Variants in TCF7L1 observed in about 807,000 individuals in gnomAD.
TCF7L1 encodes transcription factor 7-like 1.
TCF7L1 carries 18 observed loss-of-function variants against 63.7 expected under a neutral mutation model. The observed-to-expected ratio is 0.28, with a 90% confidence interval of 0.20 to 0.42. The LOEUF is 0.42. Ranked by LOEUF, TCF7L1 falls within the 10% of genes least tolerant of loss-of-function variation. The pLI, the probability that TCF7L1 is intolerant of heterozygous loss-of-function variation, is 1.00. For missense variants in TCF7L1, 654 were observed against 779.3 expected (o/e 0.84, Z 1.91); for synonymous variants, 355 against 340.9 (o/e 1.04, Z -0.46).
At chr2:85,299,633 A>C (rs1681916092) in intron 4 of TCF7L1, among the ~76,000 whole-genome samples, 1 of 151,852 alleles carries the variant, frequency 6.6e-6, no homozygotes, top group South Asian at 2.1e-4. Context: ...TTAGGAGACC[A>C]AGGTGGATGG....
At chr2:85,280,759 C>T (rs1054308499) in intron 3 of TCF7L1, among the ~76,000 whole-genome samples, 6 of 152,144 alleles carry the variant, frequency 3.9e-5, no homozygotes, top group Admixed American at 2.6e-4. Flanking sequence ...TTCAGCATCC[C>T]TCCAGGAGAA....
chr2:85,197,258 A>G (rs1028679057), intron 3 of TCF7L1, among the ~76,000 whole-genome samples: 2 of 152,214 alleles, frequency 1.3e-5, no homozygotes, highest in African/African-American at 4.8e-5. Flanking sequence ...TAAAAATACA[A>G]AAATTAGCCA....
intron 3 of TCF7L1, among the ~76,000 whole-genome samples, chr2:85,218,545 C>T (rs903311779): frequency 6.6e-6 from 1 of 152,086 alleles, no homozygotes; most frequent in Non-Finnish European, 1.5e-5. Context: ...CGTGAGCTAC[C>T]ACGCCCAGCG....
intron 4 of TCF7L1, among the ~76,000 whole-genome samples, chr2:85,287,577 G>T (rs1380330547): frequency 6.6e-6 from 1 of 152,138 alleles, no homozygotes; most frequent in Non-Finnish European, 1.5e-5. Context: ...GCCACACATG[G>T]CATTATAGAT....
intron 3 of TCF7L1, among the ~76,000 whole-genome samples, chr2:85,193,614 C>G (rs1332871521): frequency 1.3e-5 from 2 of 152,184 alleles, no homozygotes; most frequent in East Asian, 3.8e-4. Context: ...TAGTATTCTA[C>G]CAGCGGTAGT....
At position 85,303,996 on chromosome 2, in the gene TCF7L1, C is replaced by T; in HGVS notation, c.760C>T (p.Gln254Ter). Reference protein sequence around the residue: ...IPHPLGWLVPQQGQPMYSLPP... With the variant: ...IPHPLGWLVP ...CCACCCCCTCGGCTGGCTCGTCCCA[C>T]AGTAAGGAACCCACAGCCTCTCTTC... Residue 254 changes from glutamine to a stop codon, truncating the protein, a stop_gained and splice_region_variant, in exon 6 of 12, where the codon CAG becomes TAG. Transcript: ENST00000282111. LOFTEE classifies it high-confidence loss of function. 1 of 1,601,940 alleles carries T rather than the reference C, an allele frequency of 6.2e-7. No individual in the cohort carries two copies. Among genetic ancestry groups the T allele is most frequent in the Non-Finnish European group, 8.5e-7 (1 of 1,172,586 alleles).
chr2:85,211,249 C>T (rs551669737), intron 3 of TCF7L1, among the ~76,000 whole-genome samples: 1 of 152,326 alleles, frequency 6.6e-6, no homozygotes, highest in East Asian at 1.9e-4. Context: ...TTGTCTGGAA[C>T]CACCACGATG....
Position 85,306,118 on chromosome 2 carries a change from A to G in TCF7L1, c.990-88A>G, listed in dbSNP as rs890455299. 5.2e-6 allele frequency: 8 copies of G among 1,551,910 alleles called. No individual in the cohort carries two copies. In the African/African-American group the frequency reaches 6.8e-5, roughly 13 times the overall value. On this transcript the variant is annotated intron_variant, in intron 8 of 11. Coordinates refer to ENST00000282111, the MANE Select transcript of TCF7L1 (RefSeq NM_031283.3). This position sits in a 1 kb window ranked among gnomAD's most constrained non-coding sequence, Gnocchi z 4.3. The stretch of plus-strand genomic sequence containing the variant: ...CCAGGCAGCCCGCGCCCCTCCCCAG[A>G]GACAATCAGCGGTGTTTCAGTGACA...
intron 3 of TCF7L1, among the ~76,000 whole-genome samples, chr2:85,200,069 G>A (rs1049108456): frequency 7.9e-5 from 12 of 152,294 alleles, no homozygotes; most frequent in African/African-American, 2.6e-4. Context: ...ATATTGTAGC[G>A]TGTATCTGTA....
intron 4 of TCF7L1, among the ~76,000 whole-genome samples, chr2:85,294,121 C>G (rs1410476025): frequency 7.0e-6 from 1 of 143,660 alleles, no homozygotes; most frequent in Non-Finnish European, 1.5e-5. Context: ...ACTGCAAGCT[C>G]CACTTCCCGG....
intron 3 of TCF7L1, among the ~76,000 whole-genome samples, chr2:85,267,217 G>A (rs1234725794): frequency 2.0e-5 from 3 of 151,350 alleles, no homozygotes; most frequent in Non-Finnish European, 4.4e-5. Context: ...CTGTATTCCA[G>A]CTACTTGGGA....
At position 85,309,199 on chromosome 2, in the gene TCF7L1, C is replaced by T. The variant is rs754579220; in HGVS notation, c.1504C>T (p.Pro502Ser). ...PAATHSEQAQ[P>S]LSLTTKPETR... ...TGCCACCCATTCGGAGCAAGCCCAGCCCCTCTCCCTCACCACCAAACCAGA... is the reference window on the plus strand; with the variant it reads ...TGCCACCCATTCGGAGCAAGCCCAGTCCCTCTCCCTCACCACCAAACCAGA... Residue 502 changes from proline to serine, a missense_variant, in exon 12 of 12, where the codon CCC becomes TCC. Physicochemically the swap from Pro to Ser is moderately conservative, Grantham distance 74. This residue lies in a region of TCF7L1 where 184 missense variants were observed against 204.0 expected (regional missense o/e 0.90). Coordinates refer to ENST00000282111, the MANE Select transcript of TCF7L1 (RefSeq NM_031283.3). 49 of 1,614,012 alleles carry T rather than the reference C, an allele frequency of 3.0e-5. No individual in the cohort carries two copies. Among genetic ancestry groups the T allele is most frequent in the Non-Finnish European group, 3.8e-5 (45 of 1,180,026 alleles).
At chr2:85,256,912 A>T (rs1258068181) in intron 3 of TCF7L1, among the ~76,000 whole-genome samples, 5 of 152,212 alleles carry the variant, frequency 3.3e-5, no homozygotes, top group Middle Eastern at 3.4e-3. Flanking sequence ...GAACCTGGGA[A>T]GCAGAGTTTG....
intron 11 of TCF7L1, among the ~76,000 whole-genome samples, chr2:85,308,456 CCTCTCTTT>C (rs1682187712): frequency 1.2e-5 from 1 of 85,904 alleles, no homozygotes; most frequent in Non-Finnish European, 2.2e-5. Context: ...TCTTTCCCTC[CCTCTCTTT>C]CCCTCCCTCT....
At position 85,133,894 on chromosome 2, in the gene TCF7L1, C is replaced by T. The variant is rs1452530550; in HGVS notation, c.210C>T (p.Val70=). The T allele has an allele frequency of 1.3e-6, 2 of 1,521,688 alleles. No homozygotes were observed. Among genetic ancestry groups the T allele is most frequent in the African/African-American group, 1.4e-5 (1 of 71,630 alleles). The allele number at this position is 1,521,688 out of a possible 1,614,324, so 94.3% of individuals were successfully genotyped here. Residue 70 remains valine, a synonymous_variant, in exon 1 of 12, where the codon GTC becomes GTT. Coordinates refer to ENST00000282111, the MANE Select transcript of TCF7L1 (RefSeq NM_031283.3). This position sits in a 1 kb window ranked among gnomAD's most constrained non-coding sequence, Gnocchi z 4.4. ...TAGACGAGGTCAAGTCGTCCCTGGT[C>T]AACGAGTCGGAGAACCAGAGCAGCA... The part of the protein sequence containing the change: ...RDLDEVKSSL[V]NESENQSSSS...
intron 4 of TCF7L1, among the ~76,000 whole-genome samples, chr2:85,294,830 C>A (rs1453650058): frequency 6.6e-6 from 1 of 151,980 alleles, no homozygotes; most frequent in Non-Finnish European, 1.5e-5. Flanking sequence ...CTCAGGAGTT[C>A]GGGACCAGCC....
chr2:85,228,008 A>AAG (rs1466137940), intron 3 of TCF7L1, among the ~76,000 whole-genome samples: 2 of 151,836 alleles, frequency 1.3e-5, no homozygotes, highest in East Asian at 3.9e-4. Flanking sequence ...AAAAAAAAAA[A>AAG]AAAAAAAATT....
At chr2:85,303,843 G>C in intron 5 of TCF7L1, 52 bp from the exon 6 acceptor site, 1 of 1,393,294 alleles carries the variant, frequency 7.2e-7, no homozygotes, top group Non-Finnish European at 1.0e-6. Flanking sequence ...TGTTCGTTAA[G>C]GTGCTCTGGC....
At chr2:85,246,368 AAG>A (rs1203908944) in intron 3 of TCF7L1, among the ~76,000 whole-genome samples, 1 of 152,260 alleles carries the variant, frequency 6.6e-6, no homozygotes, top group Non-Finnish European at 1.5e-5. Flanking sequence ...AAGTACTATG[AAG>A]AGTGTCACAT....
Sources: gnomAD v4.1 joint callset for allele counts (sites outside exome capture counted in the v4.1 genomes callset) on GRCh38, gnomAD v4.1.1 for gene constraint, gnomAD v4.1.1 regional missense constraint, Gnocchi (gnomAD v3.1) non-coding constraint, MANE v1.5 for transcripts, NCBI Gene and HGNC (gene_info 2026-07-23, HGNC 2026-07-21) for gene names.